Variants in MYH14 observed in about 807,000 individuals in gnomAD.
MYH14 encodes myosin-14.
Under a neutral mutation model 255.5 loss-of-function variants are expected in MYH14, and 123 were observed. The observed-to-expected ratio is 0.48, with a 90% CI of 0.42 to 0.56. The LOEUF is 0.56. MYH14 is among the 20% of genes least tolerant of loss of function. The pLI, the probability that MYH14 is intolerant of heterozygous loss-of-function variation, is 0.00. For synonymous variants in MYH14, 1,095 were observed against 1,161.2 expected (o/e 0.94, Z 1.16); for missense variants, 2,423 against 2,802.3 (o/e 0.86, Z 3.06).
At position 50,225,601 on chromosome 19, in the gene MYH14, A is replaced by C; in HGVS notation, c.734A>C (p.Gln245Pro). 2 of 1,613,092 alleles carry C rather than the reference A, an allele frequency of 1.2e-6. No individual in the cohort carries two copies. Among genetic ancestry groups the C allele is most frequent in the Non-Finnish European group, 1.7e-6 (2 of 1,179,724 alleles). The change falls in exon 7 of 43, where the codon CAG (glutamine) becomes CCG (proline). Residue 245 changes from glutamine (Q) to proline (P), a missense_variant. By Grantham distance (76) the Gln-to-Pro change is moderately conservative. This residue lies in a region of MYH14 where 672 missense variants were observed against 881.8 expected (regional missense o/e 0.76). Coordinates refer to ENST00000642316, the MANE Select transcript of MYH14 (RefSeq NM_001145809.2). ...GCCCGGCAGGGTGAGCTGGAGCGGCAGCTGCTTCAGGCCAACCCCATCCTA... is the reference window on the plus strand; with the variant it reads ...GCCCGGCAGGGTGAGCTGGAGCGGCCGCTGCTTCAGGCCAACCCCATCCTA... ...STVSYGELERQLLQANPILEA... is the reference protein window; with the variant it reads ...STVSYGELERPLLQANPILEA...
intron 12 of MYH14, among the ~76,000 whole-genome samples, chr19:50,247,437 G>A (rs2034173987): frequency 6.6e-6 from 1 of 151,882 alleles, no homozygotes; most frequent in Non-Finnish European, 1.5e-5. Flanking sequence ...CCGGGAGTTT[G>A]AGGCTGCAGC....
chr19:50,268,877 C>T (rs944381538), intron 24 of MYH14, among the ~76,000 whole-genome samples: 6 of 152,240 alleles, frequency 3.9e-5, no homozygotes, highest in African/African-American at 1.2e-4. Flanking sequence ...CTCCTGGCTG[C>T]ATTCACGGGC....
chr19:50,302,759 G>A (rs889797960), intron 40 of MYH14, among the ~76,000 whole-genome samples: 13 of 151,772 alleles, frequency 8.6e-5, no homozygotes, highest in Admixed American at 2.0e-4. Flanking sequence ...AAAATTAGCC[G>A]GGCGTGGTGG....
chr19:50,274,438 G>T (rs1268761999), intron 27 of MYH14, among the ~76,000 whole-genome samples: 2 of 152,096 alleles, frequency 1.3e-5, no homozygotes, highest in Non-Finnish European at 2.9e-5. Context: ...GGGACTACAG[G>T]TGCCCACCAC....
Position 50,266,549 on chromosome 19 carries a change from ACT to A in MYH14, c.2695-325_2695-324del, listed in dbSNP as rs1185686365. Among the ~76,000 whole-genome samples, 1 of 152,090 alleles carries A rather than the reference ACT, an allele frequency of 6.6e-6. No individual in the cohort carries two copies. The highest frequency in any genetic ancestry group is 2.4e-5 in the African/African-American group (1 of 41,406). ...ACTCCAGCCTGGGCGAGAGAGCAAGACTCTGTCGAAAGGAAGGAAGGAAGGGA... is the reference window on the plus strand; with the variant it reads ...ACTCCAGCCTGGGCGAGAGAGCAAGACTGTCGAAAGGAAGGAAGGAAGGGA... On this transcript the variant is annotated intron_variant, in intron 22 of 42. Coordinates refer to ENST00000642316, the MANE Select transcript of MYH14 (RefSeq NM_001145809.2). The surrounding 1 kb of genome is among the most constrained non-coding windows in gnomAD (Gnocchi z 4.1).
At chr19:50,231,909 C>T (rs1600898006) in intron 9 of MYH14, 21 bp from the exon 10 acceptor site, 2 of 1,613,558 alleles carry the variant, frequency 1.2e-6, no homozygotes, top group Non-Finnish European at 8.5e-7. Flanking sequence ...TTGACCTTGA[C>T]CCCACTCATT....
In MYH14 at chr19:50,266,835, GC is replaced by G. The variant is rs748457635; in HGVS notation, c.2695-41del. The G allele has an allele frequency of 3.2e-6, 5 of 1,550,794 alleles. No homozygotes were observed. Among genetic ancestry groups the G allele is most frequent in the Non-Finnish European group, 2.6e-6 (3 of 1,146,506 alleles). On this transcript the variant is annotated intron_variant, in intron 22 of 42. Coordinates refer to ENST00000642316, the MANE Select transcript of MYH14 (RefSeq NM_001145809.2). This position sits in a 1 kb window ranked among gnomAD's most constrained non-coding sequence, Gnocchi z 4.1. ...ACCCCACTAAGAGTGTGAGGTCTTG[GC>G]GCCTGAAGTCAGCCATTCCACCCCT...
chr19:50,211,568 TA>T (rs1408530016), intron 2 of MYH14, among the ~76,000 whole-genome samples: 1 of 152,196 alleles, frequency 6.6e-6, no homozygotes, highest in Admixed American at 6.5e-5. Context: ...TTCAGAATTA[TA>T]AAGCATCTGA....
intron 12 of MYH14, among the ~76,000 whole-genome samples, chr19:50,248,345 C>T (rs529446271): frequency 2.0e-5 from 3 of 152,190 alleles, no homozygotes; most frequent in East Asian, 3.9e-4. Context: ...CAGGTAGAGG[C>T]GGGGAGACCT....
chr19:50,230,443 G>T lies in MYH14; in HGVS notation c.875-82G>T. ...ACACCACAGGAGAGAAGGGGGCAGC[G>T]TGGGCAGGGCAGGCTCCTGTAGTGG... On this transcript the variant is annotated intron_variant, in intron 8 of 42. Coordinates refer to ENST00000642316, the MANE Select transcript of MYH14 (RefSeq NM_001145809.2). The surrounding 1 kb of genome is among the most constrained non-coding windows in gnomAD (Gnocchi z 4.7). The T allele has an allele frequency of 8.0e-7, 1 of 1,242,396 alleles. No individual in the cohort carries two copies. The highest frequency in any genetic ancestry group is 1.2e-6 in the Non-Finnish European group (1 of 868,372). 77.0% of individuals were successfully genotyped at this position (1,242,396 alleles called of 1,614,324 possible).
rs772690371 is a variant in MYH14 at position 50,309,753 on chromosome 19, C to T, written c.6074C>T (p.Pro2025Leu). ...GCACAGCCTGGGTCTGGGCCATCCC[C>T]GGAGCCTGAGGGGTCCCCACCAGCC... ...EEAQPGSGPS[P>L]EPEGSPPAHP... The change falls in exon 43 of 43, where the codon CCG (proline) becomes CTG (leucine). Residue 2025 changes from proline to leucine, a missense_variant. By Grantham distance (98) the Pro-to-Leu change is moderately conservative. Coordinates refer to ENST00000642316, the MANE Select transcript of MYH14 (RefSeq NM_001145809.2). 1.6e-5 allele frequency: 26 copies of T among 1,590,832 alleles called. No individual in the cohort carries two copies. Among genetic ancestry groups the T allele is most frequent in the Admixed American group, 1.8e-5 (1 of 56,622 alleles).
intron 40 of MYH14, among the ~76,000 whole-genome samples, chr19:50,302,671 C>T (rs1376509714): frequency 2.6e-5 from 4 of 152,044 alleles, no homozygotes; most frequent in African/African-American, 7.2e-5. Flanking sequence ...GAGGCTGAGG[C>T]GGGCAGATCA....
At chr19:50,218,546 C>T (rs1028548579) in intron 3 of MYH14, among the ~76,000 whole-genome samples, 53 of 151,830 alleles carry the variant, frequency 3.5e-4, no homozygotes, top group African/African-American at 1.2e-3. Flanking sequence ...TGCAGTGAGC[C>T]GAGATCGCGC....
At chr19:50,299,834 A>T (rs530768350) in intron 39 of MYH14, among the ~76,000 whole-genome samples, 4 of 151,846 alleles carry the variant, frequency 2.6e-5, no homozygotes, top group African/African-American at 4.8e-5. Context: ...AATCCCAGCT[A>T]CTCAGGAGGC....
At chr19:50,271,589 A>G (rs2035304097) in intron 25 of MYH14, 43 bp downstream of exon 25, 4 of 1,584,222 alleles carry the variant, frequency 2.5e-6, no homozygotes, top group South Asian at 2.3e-5. Context: ...GATGGGGTGC[A>G]TTGGTGGGTT....
chr19:50,289,656 C>T lies in MYH14; in HGVS notation c.4965+8C>T, dbSNP rs752528237. 3 of 1,600,854 alleles carry T rather than the reference C, an allele frequency of 1.9e-6. No homozygotes were observed. The South Asian group carries it at 3.4e-5, about 18-fold the overall frequency. ...AGGCAGCTGGCCAAGCAGGTATTGT[C>T]ACACAGAAGGCCACAGGGTGCCAGT... On this transcript the variant is annotated splice_region_variant and intron_variant, in intron 35 of 42. Coordinates refer to ENST00000642316, the MANE Select transcript of MYH14 (RefSeq NM_001145809.2).
intron 24 of MYH14, among the ~76,000 whole-genome samples, chr19:50,269,816 G>A (rs1177058367): frequency 2.0e-5 from 3 of 152,190 alleles, no homozygotes; most frequent in Non-Finnish European, 2.9e-5. Flanking sequence ...CCAGGATAAG[G>A]AGGGTCCCCA....
chr19:50,275,256 C>T lies in MYH14; in HGVS notation c.3468-735C>T, dbSNP rs994871315. ...CCCAGGTCCCAGTTGGTGCTGCCCCCAGATCCAGCTTCTCTTTGCAATGAC... is the reference window on the plus strand; with the variant it reads ...CCCAGGTCCCAGTTGGTGCTGCCCCTAGATCCAGCTTCTCTTTGCAATGAC... On this transcript the variant is annotated intron_variant, in intron 27 of 42. Transcript: ENST00000642316. Among the ~76,000 whole-genome samples, 4 of 152,124 alleles carry T rather than the reference C, an allele frequency of 2.6e-5. No individual in the cohort carries two copies. The South Asian group carries it at 8.3e-4, about 32-fold the overall frequency.
intron 8 of MYH14, among the ~76,000 whole-genome samples, chr19:50,228,174 T>C (rs951379336): frequency 1.3e-5 from 2 of 151,298 alleles, no homozygotes; most frequent in Admixed American, 6.6e-5. Context: ...TAGTCCCAGC[T>C]ACTATGGAGG....
Sources: gnomAD v4.1 joint callset for allele counts (sites outside exome capture counted in the v4.1 genomes callset) on GRCh38, gnomAD v4.1.1 for gene constraint, gnomAD v4.1.1 regional missense constraint, Gnocchi (gnomAD v3.1) non-coding constraint, MANE v1.5 for transcripts, NCBI Gene and HGNC (gene_info 2026-07-23, HGNC 2026-07-21) for gene names.